The following DPP6 variants were observed in gnomAD, a reference collection of about 807,000 sequenced individuals.
DPP6 encodes the protein A-type potassium channel modulatory protein DPP6.
Under a neutral mutation model 122.6 loss-of-function variants are expected in DPP6, and 69 were observed. The observed-to-expected ratio is 0.56, with a 90% CI of 0.46 to 0.69. DPP6 has a LOEUF of 0.69. Among genes scored for constraint, DPP6 ranks in the 30% least tolerant of loss-of-function variants. The probability of loss-of-function intolerance (pLI) is 0.00; values close to 1 mark genes in which losing one functional copy is unlikely to be tolerated. For synonymous variants in DPP6, 418 were observed against 433.1 expected (o/e 0.97, Z 0.43); for missense variants, 928 against 1,116.9 (o/e 0.83, Z 2.41).
intron 1 of DPP6, among the ~76,000 whole-genome samples, chr7:154,392,483 C>T (rs1193763576): frequency 6.6e-6 from 1 of 152,150 alleles, no homozygotes; most frequent in African/African-American, 2.4e-5. Context: ...TTCACCACAT[C>T]CTCCAGCTCT....
intron 3 of DPP6, among the ~76,000 whole-genome samples, chr7:154,512,798 C>G (rs1300541832): frequency 6.6e-6 from 1 of 152,168 alleles, no homozygotes; most frequent in Non-Finnish European, 1.5e-5. Context: ...AATAAATTTT[C>G]ATCCCTTGAT....
intron 1 of DPP6, chr7:154,059,139 C>T (rs1355300187): frequency 6.8e-6 from 1 of 146,080 alleles, no homozygotes; most frequent in Non-Finnish European, 1.5e-5. Flanking sequence ...AGGGTGGGGA[C>T]TGAGAGCTAT....
chr7:154,403,354 C>T lies in DPP6; in HGVS notation c.244-42860C>T, dbSNP rs1815803875. On this transcript the variant is annotated intron_variant, in intron 1 of 25. Transcript: ENST00000377770. This position sits in a 1 kb window ranked among gnomAD's most constrained non-coding sequence, Gnocchi z 4.1. ...CAAATGCCAAGTGGCGATTCAGGTA[C>T]CTTAGGAGGAAAAGGGACATGGTGA... 6.6e-6 allele frequency among the ~76,000 whole-genome samples: 1 copy of T among 152,116 alleles called. No homozygotes were observed. The highest frequency in any genetic ancestry group is 1.5e-5 in the Non-Finnish European group (1 of 68,022).
intron 1 of DPP6, among the ~76,000 whole-genome samples, chr7:154,410,577 A>G (rs1586190745): frequency 6.6e-6 from 1 of 152,216 alleles, no homozygotes; most frequent in East Asian, 1.9e-4. Flanking sequence ...TTTCTCTAAC[A>G]TGCTGATCTG....
At chr7:154,523,782 TATA>T (rs1207626298) in intron 3 of DPP6, among the ~76,000 whole-genome samples, 1 of 152,216 alleles carries the variant, frequency 6.6e-6, no homozygotes, top group Non-Finnish European at 1.5e-5. Context: ...CAGGTTTATC[TATA>T]ATGTCTACTT....
chr7:153,849,302 C>T, the DPP6 span, among the ~76,000 whole-genome samples: 427 of 150,568 alleles, frequency 2.8e-3, 10 homozygotes, highest in Admixed American at 0.026. Context: ...TACTCTGTAG[C>T]TTATTGAGAC....
intron 5 of DPP6, among the ~76,000 whole-genome samples, chr7:154,574,662 GTA>G (rs1831385317): frequency 1.4e-5 from 2 of 141,502 alleles, no homozygotes; most frequent in African/African-American, 2.6e-5. Flanking sequence ...TAGTGTTTGT[GTA>G]TGTGTGTGGT....
chr7:154,093,062 C>CCA (rs1304782618), intron 1 of DPP6: 1 of 151,676 alleles, frequency 6.6e-6, no homozygotes, highest in East Asian at 1.9e-4. Flanking sequence ...CACACACACA[C>CCA]CACACACACA....
At chr7:154,060,794 AG>A (rs1451286551) in intron 1 of DPP6, among the ~76,000 whole-genome samples, 4 of 108,296 alleles carry the variant, frequency 3.7e-5, no homozygotes, top group East Asian at 2.7e-4. Context: ...CGCCCATCAC[AG>A]GAGGGGGACG....
intron 1 of DPP6, among the ~76,000 whole-genome samples, chr7:154,384,912 G>A (rs1052580046): frequency 1.3e-5 from 2 of 151,872 alleles, no homozygotes; most frequent in African/African-American, 2.4e-5. Flanking sequence ...AAAGGAAATT[G>A]TCTATACTAT....
At chr7:153,988,922 C>A (rs1353106371) in intron 1 of DPP6, among the ~76,000 whole-genome samples, 1 of 149,296 alleles carries the variant, frequency 6.7e-6, no homozygotes, top group African/African-American at 2.4e-5. Flanking sequence ...GCCAGCGCGC[C>A]GGGAGTGGTG....
intron 18 of DPP6, 133 bp from the exon 19 acceptor site, chr7:154,872,491 C>A: frequency 7.2e-7 from 1 of 1,381,780 alleles, no homozygotes; most frequent in Non-Finnish European, 9.6e-7. Flanking sequence ...AAACCCTGGG[C>A]CAGTCTCTGT....
At chr7:154,801,063 A>G (rs1798330755) in intron 12 of DPP6, among the ~76,000 whole-genome samples, 1 of 151,388 alleles carries the variant, frequency 6.6e-6, no homozygotes. Context: ...CTTGGCGTGC[A>G]CATGGGGCTG....
intron 1 of DPP6, among the ~76,000 whole-genome samples, chr7:153,909,789 C>T (rs78663900): frequency 0.013 from 2,004 of 152,206 alleles, 55 homozygotes; most frequent in African/African-American, 0.046. Context: ...TTTTACCTAC[C>T]AGACGGATCC....
At chr7:154,502,419 A>T (rs1028617896) in intron 3 of DPP6, among the ~76,000 whole-genome samples, 1 of 152,162 alleles carries the variant, frequency 6.6e-6, no homozygotes, top group African/African-American at 2.4e-5. Flanking sequence ...CCCATGTGTC[A>T]TGGGAGGAAC....
At chr7:154,464,616 T>C (rs1821626625) in intron 2 of DPP6, among the ~76,000 whole-genome samples, 1 of 152,218 alleles carries the variant, frequency 6.6e-6, no homozygotes, top group African/African-American at 2.4e-5. Context: ...TATATAATCC[T>C]GTGTAACTGA....
chr7:154,288,136 C>T, intron 1 of DPP6, among the ~76,000 whole-genome samples: 1 of 152,188 alleles, frequency 6.6e-6, no homozygotes, highest in East Asian at 1.9e-4. Context: ...AAAACTTCCT[C>T]TGGTTTTCTT....
At chr7:153,933,023 C>G (rs774087627) in intron 1 of DPP6, among the ~76,000 whole-genome samples, 1 of 152,248 alleles carries the variant, frequency 6.6e-6, no homozygotes, top group South Asian at 2.1e-4. Flanking sequence ...TCTTGCCTGC[C>G]GCCATGTAAG....
Position 154,568,937 on chromosome 7 carries a change from C to T in DPP6, c.627+2021C>T, listed in dbSNP as rs530354992. On this transcript the variant is annotated intron_variant, in intron 5 of 25. Transcript: ENST00000377770. ...TTCAGCACTGAGCAGTTACTGTATA[C>T]ATGACTATTCAAGCAAGTATTCTCT... is the stretch of plus-strand genomic sequence containing the variant. 2.4e-4 allele frequency among the ~76,000 whole-genome samples: 36 copies of T among 152,242 alleles called. 1 individual carries two copies. The South Asian group carries it at 7.2e-3, about 31-fold the overall frequency.
Sources: allele counts gnomAD v4.1 joint callset (sites outside exome capture counted in the v4.1 genomes callset), GRCh38; gene constraint gnomAD v4.1.1; non-coding constraint Gnocchi (gnomAD v3.1); transcripts MANE v1.5; gene names NCBI Gene and HGNC (gene_info 2026-07-23, HGNC 2026-07-21).